The following LNPEP variants were observed in gnomAD, a reference collection of about 807,000 sequenced individuals.
LNPEP encodes leucyl and cystinyl aminopeptidase, also known as leucyl-cystinyl aminopeptidase.
Under a neutral mutation model 120.6 loss-of-function variants are expected in LNPEP, and 64 were observed. The observed-to-expected ratio is 0.53, with a 90% CI of 0.43 to 0.65. The LOEUF is 0.65. LNPEP is among the 30% of genes least tolerant of loss of function. LNPEP has a pLI of 0.00. For synonymous variants in LNPEP, 435 were observed against 425.4 expected (o/e 1.02, Z -0.28); for missense variants, 1,057 against 1,200.0 (o/e 0.88, Z 1.76).
chr5:96,991,031 A>G (rs1326011702), intron 4 of LNPEP, among the ~76,000 whole-genome samples: 1 of 152,010 alleles, frequency 6.6e-6, no homozygotes, highest in Non-Finnish European at 1.5e-5. Flanking sequence ...GACTGCACCC[A>G]ATGTGTAATC....
chr5:96,946,332 C>T (rs1226827819), intron 1 of LNPEP, among the ~76,000 whole-genome samples: 1 of 152,116 alleles, frequency 6.6e-6, no homozygotes, highest in Non-Finnish European at 1.5e-5. Flanking sequence ...TAGCATTCCA[C>T]TTGTAGGAAG....
chr5:97,010,184 CT>C (rs1410458321), intron 11 of LNPEP: 1 of 751,204 alleles, frequency 1.3e-6, no homozygotes, highest in East Asian at 1.3e-4. Flanking sequence ...TCCCTCTTCC[CT>C]TTCTTCCTCC....
intron 11 of LNPEP, among the ~76,000 whole-genome samples, chr5:97,010,065 C>T (rs1264478008): frequency 1.3e-5 from 2 of 152,108 alleles, no homozygotes; most frequent in East Asian, 3.9e-4. Flanking sequence ...TATTTGTCTC[C>T]TTTTCTCACA....
intron 6 of LNPEP, 111 bp from the exon 7 acceptor site, chr5:96,996,279 T>C: frequency 1.5e-6 from 1 of 660,268 alleles, no homozygotes; most frequent in Non-Finnish European, 2.7e-6. Context: ...AGTATATCTT[T>C]AAGATATTGT....
rs909935496 is a variant in LNPEP, at chr5:97,011,232, T to G, written c.2036-2416T>G. 1.4e-5 allele frequency: 14 copies of G among 977,418 alleles called. No individual in the cohort carries two copies. In the African/African-American group the frequency reaches 2.5e-4, roughly 17 times the overall value. The allele number at this position is 977,418 out of a possible 1,614,324, so 60.5% of individuals were successfully genotyped here. ...CTGGGGTTGTTTCTTTTCTTTACGT[T>G]TGTTTTTATTAGAGACAGGGTCCTG... On this transcript the variant is annotated intron_variant, in intron 11 of 17. Transcript: ENST00000231368.
At chr5:96,983,067 G>A (rs1790162879) in intron 2 of LNPEP, among the ~76,000 whole-genome samples, 1 of 152,096 alleles carries the variant, frequency 6.6e-6, no homozygotes, top group South Asian at 2.1e-4. Flanking sequence ...AACTATTAAG[G>A]ACGTTGGGAT....
intron 1 of LNPEP, among the ~76,000 whole-genome samples, chr5:96,949,338 T>G (rs1789268618): frequency 6.6e-6 from 1 of 152,214 alleles, no homozygotes; most frequent in Non-Finnish European, 1.5e-5. Context: ...AGGGTGGTAT[T>G]AGAGTCCCAT....
intron 1 of LNPEP, among the ~76,000 whole-genome samples, chr5:96,953,942 T>G (rs1370871877): frequency 6.6e-6 from 1 of 152,224 alleles, no homozygotes; most frequent in Non-Finnish European, 1.5e-5. Context: ...CTTGCTTTTA[T>G]CCTTGAGGTT....
Position 96,996,429 on chromosome 5 carries a change from C to G in LNPEP, c.1447C>G (p.Leu483Val). 6.2e-7 allele frequency: 1 copy of G among 1,611,942 alleles called. No homozygotes were observed. Among genetic ancestry groups the G allele is most frequent in the Non-Finnish European group, 8.5e-7 (1 of 1,178,324 alleles). ...NLVTMKWWND[L>V]WLNEGFATFM... ...GGTAACAATGAAGTGGTGGAATGACCTATGGCTAAATGAAGGTTTTGCCAC... is the reference window on the plus strand; with the variant it reads ...GGTAACAATGAAGTGGTGGAATGACGTATGGCTAAATGAAGGTTTTGCCAC... The change falls in exon 7 of 18, where the codon CTA (leucine) becomes GTA (valine). Residue 483 changes from leucine (L) to valine (V), a missense_variant. Physicochemically the swap from Leu to Val is conservative, Grantham distance 32. Transcript: ENST00000231368.
In LNPEP at chr5:96,985,229, G is replaced by T. The variant is rs762021648; in HGVS notation, c.999+11G>T. The T allele has an allele frequency of 1.3e-6, 2 of 1,584,366 alleles. No homozygotes were observed. Among genetic ancestry groups the T allele is most frequent in the East Asian group, 2.3e-5 (1 of 43,960 alleles). On this transcript the variant is annotated intron_variant, in intron 3 of 17. Coordinates refer to ENST00000231368, the MANE Select transcript of LNPEP (RefSeq NM_005575.3). ...TCAAATATGCCTAAGGTACTGTTCTGTTCCTTGAATGTAAAAATCTTTGAA... is the reference window on the plus strand; with the variant it reads ...TCAAATATGCCTAAGGTACTGTTCTTTTCCTTGAATGTAAAAATCTTTGAA...
intron 8 of LNPEP, among the ~76,000 whole-genome samples, chr5:96,998,907 A>T (rs1790580315): frequency 6.6e-6 from 1 of 152,174 alleles, no homozygotes; most frequent in African/African-American, 2.4e-5. Context: ...AAATAATTAA[A>T]ATATAGGTAA....
At position 97,032,224 on chromosome 5, in the gene LNPEP, C is replaced by T. The variant is rs918397692; in HGVS notation, c.*3691C>T. 1 of 152,172 alleles carries T rather than the reference C, an allele frequency of 6.6e-6. No individual in the cohort carries two copies. Among genetic ancestry groups the T allele is most frequent in the African/African-American group, 2.4e-5 (1 of 41,448 alleles). The allele number at this position is 152,172 out of a possible 1,614,324, so 9.4% of individuals were successfully genotyped here. ...ACTTTTGTATTTATTGGAATTAAAT[C>T]TCTTTTTAAAGAGCTTCCTTCCCCC... On this transcript the variant is annotated 3_prime_UTR_variant, in exon 18 of 18. Coordinates refer to ENST00000231368, the MANE Select transcript of LNPEP (RefSeq NM_005575.3).
intron 11 of LNPEP, among the ~76,000 whole-genome samples, chr5:97,006,892 T>C (rs1437347688): frequency 6.6e-6 from 1 of 152,178 alleles, no homozygotes; most frequent in Non-Finnish European, 1.5e-5. Context: ...CCCTAAATGA[T>C]TTGTGTGTAT....
At chr5:96,938,967 T>C (rs895442188) in intron 1 of LNPEP, among the ~76,000 whole-genome samples, 3 of 127,432 alleles carry the variant, frequency 2.4e-5, no homozygotes, top group Non-Finnish European at 4.9e-5. Flanking sequence ...TGTTAAGTAA[T>C]AGTGATTTGT....
chr5:96,949,598 C>A (rs1789276778), intron 1 of LNPEP, among the ~76,000 whole-genome samples: 1 of 152,220 alleles, frequency 6.6e-6, no homozygotes, highest in Non-Finnish European at 1.5e-5. Flanking sequence ...TACATTCCTA[C>A]ATCCAACTTA....
In LNPEP at chr5:96,986,781, A is replaced by G. The variant is rs1371803835; in HGVS notation, c.1131+111A>G. ...TGTGAAATAAATAAGCTTTTAGATC[A>G]CACTCTGACATTTTATACCAGAAAT... On this transcript the variant is annotated intron_variant, in intron 4 of 17. Coordinates refer to ENST00000231368, the MANE Select transcript of LNPEP (RefSeq NM_005575.3). The G allele has an allele frequency of 3.1e-6, 3 of 956,070 alleles. No individual in the cohort carries two copies. In the East Asian group the frequency reaches 7.7e-5, roughly 25 times the overall value. The allele number at this position is 956,070 out of a possible 1,614,324, so 59.2% of individuals were successfully genotyped here.
At chr5:96,957,729 A>G (rs1230987087) in intron 1 of LNPEP, among the ~76,000 whole-genome samples, 1 of 152,206 alleles carries the variant, frequency 6.6e-6, no homozygotes, top group Non-Finnish European at 1.5e-5. Context: ...CACTGTTGCT[A>G]TCTTGATTTT....
intron 1 of LNPEP, among the ~76,000 whole-genome samples, chr5:96,948,535 C>G (rs1168065062): frequency 6.6e-6 from 1 of 152,172 alleles, no homozygotes; most frequent in Non-Finnish European, 1.5e-5. Flanking sequence ...CAAAAAGATG[C>G]CCTCCCAAAT....
intron 14 of LNPEP, among the ~76,000 whole-genome samples, chr5:97,024,278 G>A (rs1371508106): frequency 3.3e-5 from 5 of 152,164 alleles, no homozygotes; most frequent in Non-Finnish European, 5.9e-5. Flanking sequence ...CTAGTGTCCA[G>A]CCAGTCGCCT....
Sources: gnomAD v4.1 joint callset for allele counts (sites outside exome capture counted in the v4.1 genomes callset) on GRCh38, gnomAD v4.1.1 for gene constraint, MANE v1.5 for transcripts, NCBI Gene and HGNC (gene_info 2026-07-23, HGNC 2026-07-21) for gene names.